The following LYPD6B variants were observed in gnomAD, a reference collection of about 807,000 sequenced individuals.
The protein encoded by LYPD6B is LY6/PLAUR domain containing 6B.
In LYPD6B, 17 loss-of-function variants were observed where a neutral mutation model predicts 22.8. That is an observed-to-expected ratio of 0.75 (90% CI 0.51 to 1.12). The LOEUF is 1.12. Ranked by LOEUF, LYPD6B falls within the 50% of genes most tolerant of loss-of-function variation. The pLI, the probability that LYPD6B is intolerant of heterozygous loss-of-function variation, is 0.00. For synonymous variants in LYPD6B, 106 were observed against 91.6 expected (o/e 1.16, Z -0.90); for missense variants, 221 against 258.3 (o/e 0.86, Z 0.99).
In LYPD6B at chr2:149,214,845, G is replaced by T; in HGVS notation, c.*135G>T. ...ACATTGGACCTCAAGGCGAAAGCCA[G>T]TGGTTTGCTTGGATAAAATGTTCCC... On this transcript the variant is annotated 3_prime_UTR_variant, in exon 7 of 7. Transcript: ENST00000409642. 1.0e-6 allele frequency: 1 copy of T among 953,948 alleles called. No individual in the cohort carries two copies. Among genetic ancestry groups the T allele is most frequent in the South Asian group, 1.5e-5 (1 of 66,636 alleles). The allele number at this position is 953,948 out of a possible 1,614,324, so 59.1% of individuals were successfully genotyped here. A position where few individuals can be genotyped will look rare whatever the true frequency, so the allele number is the denominator to read the frequency against.
At chr2:149,181,418 A>G (rs1233734161) in intron 3 of LYPD6B, among the ~76,000 whole-genome samples, 1 of 152,146 alleles carries the variant, frequency 6.6e-6, no homozygotes, top group Non-Finnish European at 1.5e-5. Flanking sequence ...GAGATGACAG[A>G]TGCATCTGTG....
intron 3 of LYPD6B, among the ~76,000 whole-genome samples, chr2:149,168,704 A>G (rs1006450707): frequency 1.3e-5 from 2 of 152,246 alleles, no homozygotes; most frequent in Non-Finnish European, 2.9e-5. Context: ...TGTAACCACC[A>G]GTGTGGTGCC....
chr2:149,074,527 C>T (rs796772723), intron 1 of LYPD6B, among the ~76,000 whole-genome samples: 3 of 152,298 alleles, frequency 2.0e-5, no homozygotes, highest in Non-Finnish European at 2.9e-5. Flanking sequence ...TCTAAGGGCA[C>T]GCACAAAGGC....
At chr2:149,064,912 G>T (rs1022063379) in intron 1 of LYPD6B, among the ~76,000 whole-genome samples, 10 of 152,162 alleles carry the variant, frequency 6.6e-5, no homozygotes, top group African/African-American at 2.4e-4. Flanking sequence ...TGCTTTGGTT[G>T]GCTGGCCTGG....
intron 1 of LYPD6B, among the ~76,000 whole-genome samples, chr2:149,106,806 G>A (rs78204299): frequency 0.045 from 6,864 of 151,310 alleles, 491 homozygotes; most frequent in African/African-American, 0.15. Context: ...TTTTAATTTC[G>A]TTTCTTCTGC....
chr2:149,189,768 G>A (rs1692377890), intron 3 of LYPD6B, among the ~76,000 whole-genome samples: 1 of 152,080 alleles, frequency 6.6e-6, no homozygotes, highest in Non-Finnish European at 1.5e-5. Flanking sequence ...CAGGATCTCA[G>A]GGGACTTTAC....
At chr2:149,073,240 C>G (rs150632908) in intron 1 of LYPD6B, among the ~76,000 whole-genome samples, 3 of 152,264 alleles carry the variant, frequency 2.0e-5, no homozygotes, top group African/African-American at 7.2e-5. Context: ...CAGGCCCAGC[C>G]CAGTATATCT....
rs1397354565 is a variant in LYPD6B, at chr2:149,198,782, A to G, written c.78-6471A>G. On this transcript the variant is annotated intron_variant, in intron 3 of 6. Transcript: ENST00000409642. ...GCTTGATGAGATTTTTTGTAAGTTT[A>G]GATTATTTAAAGCAGTACAGCAGGA... Among the ~76,000 whole-genome samples, 3 of 152,152 alleles carry G rather than the reference A, an allele frequency of 2.0e-5. No homozygotes were observed. In the East Asian group the frequency reaches 5.8e-4, roughly 29 times the overall value.
intron 3 of LYPD6B, among the ~76,000 whole-genome samples, chr2:149,181,738 C>T (rs181583055): frequency 6.6e-6 from 1 of 152,270 alleles, no homozygotes; most frequent in Admixed American, 6.5e-5. Context: ...ATACATAATC[C>T]ATTTCACGAA....
intron 1 of LYPD6B, among the ~76,000 whole-genome samples, chr2:149,110,782 T>C (rs1020671103): frequency 4.6e-5 from 7 of 152,202 alleles, no homozygotes; most frequent in Non-Finnish European, 8.8e-5. Flanking sequence ...ATCTTTCCTC[T>C]CAAAGAGTTT....
At chr2:149,153,082 A>G (rs1689475493) in intron 2 of LYPD6B, among the ~76,000 whole-genome samples, 1 of 152,218 alleles carries the variant, frequency 6.6e-6, no homozygotes, top group South Asian at 2.1e-4. Context: ...GGAGGAATCC[A>G]GTGTGGTTGA....
At chr2:149,175,270 A>C (rs146527871) in intron 3 of LYPD6B, among the ~76,000 whole-genome samples, 1 of 152,240 alleles carries the variant, frequency 6.6e-6, no homozygotes, top group African/African-American at 2.4e-5. Context: ...ATGTTACTCT[A>C]CTGAATACTG....
chr2:149,138,156 T>C (rs1239153510), intron 2 of LYPD6B, among the ~76,000 whole-genome samples: 1 of 152,256 alleles, frequency 6.6e-6, no homozygotes, highest in Non-Finnish European at 1.5e-5. Context: ...AATTATGTTC[T>C]CTTTTCTACT....
At position 149,212,414 on chromosome 2, in the gene LYPD6B, A is replaced by G. The variant is rs921879534; in HGVS notation, c.329-578A>G. 1.9e-3 allele frequency among the ~76,000 whole-genome samples: 271 copies of G among 144,756 alleles called. 2 individuals are homozygous for G. Among genetic ancestry groups the G allele is most frequent in the African/African-American group, 6.3e-3 (253 of 39,954 alleles). The allele number at this position is 144,756 out of a possible 152,430, so 95.0% of individuals were successfully genotyped here. Reference sequence around the variant, plus strand: ...AAAAAAAAAAAAAAAAGAAATTATTAGGTTGGTGCAAAATGAATTGCGGGT... The same window carrying G: ...AAAAAAAAAAAAAAAAGAAATTATTGGGTTGGTGCAAAATGAATTGCGGGT... On this transcript the variant is annotated intron_variant, in intron 5 of 6. Coordinates refer to ENST00000409642, the MANE Select transcript of LYPD6B (RefSeq NM_177964.5).
chr2:149,042,837 G>C (rs1683146670), intron 1 of LYPD6B, among the ~76,000 whole-genome samples: 2 of 152,308 alleles, frequency 1.3e-5, no homozygotes, highest in African/African-American at 4.8e-5. Flanking sequence ...GGTCTAAGCA[G>C]GTAGGGTTTT....
intron 6 of LYPD6B, among the ~76,000 whole-genome samples, chr2:149,214,229 C>G (rs185687265): frequency 3.8e-4 from 58 of 152,306 alleles, no homozygotes; most frequent in African/African-American, 1.4e-3. Flanking sequence ...TTTTCCCTTA[C>G]AAACCTTTAG....
intron 6 of LYPD6B, 39 bp from the exon 7 acceptor site, chr2:149,214,507 A>T: frequency 6.3e-7 from 1 of 1,599,158 alleles, no homozygotes; most frequent in Non-Finnish European, 8.6e-7. Flanking sequence ...TCCCTCTTCT[A>T]TTATTCACTG....
At position 149,062,961 on chromosome 2, in the gene LYPD6B, G is replaced by C. The variant is rs146806061; in HGVS notation, c.-67+24160G>C. Among the ~76,000 whole-genome samples, 1,398 of 150,754 alleles carry C rather than the reference G, an allele frequency of 9.3e-3. 7 individuals are homozygous for C. The highest frequency in any genetic ancestry group is 0.021 in the Middle Eastern group (6 of 290). ...TTCCTGAGTGTCCCCTGTAAGCAAG[G>C]CTCGGTAAAGAAGGAGCTGCAAGGT... On this transcript the variant is annotated intron_variant, in intron 1 of 6. Transcript: ENST00000409642.
intron 1 of LYPD6B, among the ~76,000 whole-genome samples, chr2:149,069,368 T>G (rs1220319795): frequency 6.6e-6 from 1 of 152,202 alleles, no homozygotes; most frequent in Non-Finnish European, 1.5e-5. Context: ...AGACTGTGTA[T>G]ACCTAAGAAC....
Sources: allele counts gnomAD v4.1 joint callset (sites outside exome capture counted in the v4.1 genomes callset), GRCh38; gene constraint gnomAD v4.1.1; transcripts MANE v1.5; gene names NCBI Gene and HGNC (gene_info 2026-07-23, HGNC 2026-07-21).